The following SLC35F4 variants were observed in gnomAD, a reference collection of about 807,000 sequenced individuals.
SLC35F4 encodes the protein chromosome 14 open reading frame 36.
A neutral mutation model predicts 44.2 loss-of-function variants in SLC35F4; 24 were observed. The ratio of observed to expected loss-of-function variants is 0.54; its 90% CI spans 0.39 to 0.76. The LOEUF (loss-of-function observed/expected upper bound fraction) is 0.76, where lower values mean the gene tolerates loss of function less well. Among genes scored for constraint, SLC35F4 ranks in the 30% least tolerant of loss-of-function variants. SLC35F4 has a pLI of 0.00. For synonymous variants in SLC35F4, 238 were observed against 223.6 expected (o/e 1.06, Z -0.57); for missense variants, 562 against 586.1 (o/e 0.96, Z 0.42).
intron 1 of SLC35F4, among the ~76,000 whole-genome samples, chr14:57,767,520 T>C (rs543099487): frequency 6.6e-6 from 1 of 152,152 alleles, no homozygotes; most frequent in Admixed American, 6.5e-5. Context: ...AACATATCAA[T>C]ATATGTAGGA....
intron 1 of SLC35F4, among the ~76,000 whole-genome samples, chr14:57,851,982 A>AT (rs1355540141): frequency 6.6e-6 from 1 of 152,240 alleles, no homozygotes; most frequent in Non-Finnish European, 1.5e-5. Flanking sequence ...AACAAGGCTT[A>AT]ATCACTCATC....
chr14:57,718,562 G>C (rs1283920024), intron 1 of SLC35F4, among the ~76,000 whole-genome samples: 1 of 152,076 alleles, frequency 6.6e-6, no homozygotes, highest in African/African-American at 2.4e-5. Flanking sequence ...ATGATGTCTT[G>C]TACTTTTGAT....
chr14:57,844,640 T>G (rs1001406544), intron 1 of SLC35F4, among the ~76,000 whole-genome samples: 2 of 152,160 alleles, frequency 1.3e-5, no homozygotes, highest in African/African-American at 4.8e-5. Context: ...ATAAGCTTAT[T>G]TCTTTTTACC....
intron 1 of SLC35F4, among the ~76,000 whole-genome samples, chr14:57,977,809 A>G (rs1317741273): frequency 4.6e-5 from 7 of 152,124 alleles, no homozygotes; most frequent in Non-Finnish European, 1.0e-4. Context: ...CTAAACCCCC[A>G]GGCAGGAGTG....
At chr14:57,710,561 A>G (rs1296516970) in intron 1 of SLC35F4, among the ~76,000 whole-genome samples, 1 of 152,106 alleles carries the variant, frequency 6.6e-6, no homozygotes, top group African/African-American at 2.4e-5. Flanking sequence ...AAAGCCACAG[A>G]TACTCAAAGC....
chr14:57,618,569 T>C (rs1172445522), intron 1 of SLC35F4, among the ~76,000 whole-genome samples: 1 of 152,184 alleles, frequency 6.6e-6, no homozygotes, highest in Non-Finnish European at 1.5e-5. Context: ...CTCCAGTGCC[T>C]ACACCACCAG....
chr14:57,592,591 A>T (rs1035854899), intron 2 of SLC35F4, among the ~76,000 whole-genome samples: 2 of 152,208 alleles, frequency 1.3e-5, no homozygotes, highest in Non-Finnish European at 2.9e-5. Flanking sequence ...GAATATTGCA[A>T]TTTATTAAAG....
At chr14:57,704,464 A>C (rs1363046976) in intron 1 of SLC35F4, among the ~76,000 whole-genome samples, 1 of 152,144 alleles carries the variant, frequency 6.6e-6, no homozygotes, top group Non-Finnish European at 1.5e-5. Context: ...GTTCATCGTT[A>C]CAAAGATTGG....
intron 1 of SLC35F4, among the ~76,000 whole-genome samples, chr14:57,715,664 A>G (rs1328730350): frequency 6.6e-6 from 1 of 152,186 alleles, no homozygotes; most frequent in Non-Finnish European, 1.5e-5. Flanking sequence ...TGGTTGGATG[A>G]GTCATTTTCA....
At chr14:57,686,866 TCCCCCA>T (rs1375382095) in intron 1 of SLC35F4, among the ~76,000 whole-genome samples, 1 of 152,120 alleles carries the variant, frequency 6.6e-6, no homozygotes, top group African/African-American at 2.4e-5. Flanking sequence ...GAATTATGTC[TCCCCCA>T]CCCCAAATTT....
chr14:57,854,536 T>G (rs1595221422), intron 1 of SLC35F4, among the ~76,000 whole-genome samples: 1 of 152,164 alleles, frequency 6.6e-6, no homozygotes, highest in African/African-American at 2.4e-5. Context: ...CAGCCTTCAT[T>G]TCCTCCCCAC....
intron 1 of SLC35F4, among the ~76,000 whole-genome samples, chr14:57,799,245 G>A (rs559472659): frequency 6.6e-6 from 1 of 152,316 alleles, no homozygotes; most frequent in African/African-American, 2.4e-5. Context: ...CAGTGATTGT[G>A]CAGCCCCAGC....
chr14:57,736,294 A>C (rs1458972842), intron 1 of SLC35F4, among the ~76,000 whole-genome samples: 1 of 152,138 alleles, frequency 6.6e-6, no homozygotes, highest in Non-Finnish European at 1.5e-5. Context: ...CTTTACCCCA[A>C]TAGAAGTTTG....
intron 6 of SLC35F4, 60 bp from the exon 7 acceptor site, chr14:57,566,624 CCTT>C: frequency 1.4e-6 from 2 of 1,471,898 alleles, no homozygotes; most frequent in South Asian, 2.4e-5. Flanking sequence ...ACTTTTTTCT[CCTT>C]ATAGTAAATG....
At chr14:57,739,121 G>A (rs2076541652) in intron 1 of SLC35F4, among the ~76,000 whole-genome samples, 1 of 152,182 alleles carries the variant, frequency 6.6e-6, no homozygotes, top group Non-Finnish European at 1.5e-5. Flanking sequence ...GCCAAGAGGT[G>A]TAACTTTTGG....
At chr14:57,863,797 T>C (rs986260799) in intron 1 of SLC35F4, among the ~76,000 whole-genome samples, 6 of 152,220 alleles carry the variant, frequency 3.9e-5, no homozygotes, top group African/African-American at 9.6e-5. Flanking sequence ...ATCACTTAAT[T>C]CTCTCTTCTT....
intron 1 of SLC35F4, among the ~76,000 whole-genome samples, chr14:57,876,566 T>C (rs922919972): frequency 2.0e-5 from 3 of 152,202 alleles, no homozygotes; most frequent in Non-Finnish European, 4.4e-5. Flanking sequence ...ACAGAATTAC[T>C]AGGTGAAAAT....
chr14:57,947,399 G>C (rs1352207565), intron 1 of SLC35F4, among the ~76,000 whole-genome samples: 1 of 152,076 alleles, frequency 6.6e-6, no homozygotes, highest in Non-Finnish European at 1.5e-5. Flanking sequence ...AAACTTTACT[G>C]AATTCATTTA....
chr14:57,699,875 C>A (rs1421588737), intron 1 of SLC35F4, among the ~76,000 whole-genome samples: 1 of 152,114 alleles, frequency 6.6e-6, no homozygotes, highest in Non-Finnish European at 1.5e-5. Flanking sequence ...GATTAACTTT[C>A]CTTTGAGTTG....
Sources: allele counts gnomAD v4.1 joint callset (sites outside exome capture counted in the v4.1 genomes callset), GRCh38; gene constraint gnomAD v4.1.1; transcripts MANE v1.5; gene names NCBI Gene and HGNC (gene_info 2026-07-23, HGNC 2026-07-21).